The following RGS7BP variants were observed in gnomAD, a reference collection of about 807,000 sequenced individuals.
RGS7BP encodes the protein regulator of G protein signaling 7 binding protein.
RGS7BP carries 9 observed loss-of-function variants against 31.3 expected under a neutral mutation model. That is an observed-to-expected ratio of 0.29 (90% CI 0.17 to 0.50). The LOEUF is 0.50. Ranked by LOEUF, RGS7BP falls within the 20% of genes least tolerant of loss-of-function variation. The pLI is 0.98. For synonymous variants in RGS7BP, 115 were observed against 120.1 expected (o/e 0.96, Z 0.28); for missense variants, 274 against 322.0 (o/e 0.85, Z 1.14).
intron 2 of RGS7BP, among the ~76,000 whole-genome samples, chr5:64,571,407 T>C (rs899915923): frequency 6.6e-6 from 1 of 152,190 alleles, no homozygotes; most frequent in Non-Finnish European, 1.5e-5. Context: ...TATTTGTGAA[T>C]ATGTTTTTAT....
chr5:64,562,200 T>A (rs1339400146), intron 2 of RGS7BP, among the ~76,000 whole-genome samples: 1 of 152,056 alleles, frequency 6.6e-6, no homozygotes, highest in East Asian at 1.9e-4. Context: ...AATGCTTTTC[T>A]TTTTTTCCCC....
intron 2 of RGS7BP, among the ~76,000 whole-genome samples, chr5:64,536,574 T>A (rs907242566): frequency 2.0e-5 from 3 of 152,176 alleles, no homozygotes; most frequent in Non-Finnish European, 2.9e-5. Flanking sequence ...ACAAAATGTA[T>A]CAATAACATA....
At chr5:64,547,517 A>G (rs1741686407) in intron 2 of RGS7BP, among the ~76,000 whole-genome samples, 1 of 152,226 alleles carries the variant, frequency 6.6e-6, no homozygotes, top group Non-Finnish European at 1.5e-5. Context: ...AGTATTTCCC[A>G]TCATTGGCTA....
chr5:64,594,820 T>A lies in RGS7BP; in HGVS notation c.574T>A (p.Ser192Thr). 1 of 1,613,722 alleles carries A rather than the reference T, an allele frequency of 6.2e-7. No homozygotes were observed. The highest frequency in any genetic ancestry group is 8.5e-7 in the Non-Finnish European group (1 of 1,179,768). Residue 192 changes from serine (S) to threonine (T), a missense_variant, in exon 4 of 6, where the codon TCC (serine) becomes ACC (threonine). This residue lies in a region of RGS7BP where 112 missense variants were observed against 130.9 expected (regional missense o/e 0.86). Coordinates refer to ENST00000334025, the MANE Select transcript of RGS7BP (RefSeq NM_001029875.3). ...ATCCCCCGTAGATAGTCAGCAACATTCCTGGCAGGTTTCCACAGACATTGA... is the reference window on the plus strand; with the variant it reads ...ATCCCCCGTAGATAGTCAGCAACATACCTGGCAGGTTTCCACAGACATTGA... ...SSSPVDSQQH[S>T]WQVSTDIENT... is the part of the protein sequence containing the mutation.
chr5:64,599,022 A>C (rs1033244051), intron 5 of RGS7BP, among the ~76,000 whole-genome samples: 1 of 152,172 alleles, frequency 6.6e-6, no homozygotes, highest in Admixed American at 6.5e-5. Flanking sequence ...ATCCTATGGG[A>C]GTATATGCCC....
intron 2 of RGS7BP, among the ~76,000 whole-genome samples, chr5:64,510,212 ATTATTC>A (rs1189660522): frequency 6.6e-6 from 1 of 152,158 alleles, no homozygotes; most frequent in African/African-American, 2.4e-5. Flanking sequence ...GGGAGGGATT[ATTATTC>A]TTATTCTACA....
Position 64,528,303 on chromosome 5 carries a change from G to A in RGS7BP, c.332+20426G>A, listed in dbSNP as rs1232334773. 1.3e-5 allele frequency among the ~76,000 whole-genome samples: 2 copies of A among 152,254 alleles called. 1 individual carries two copies. ...AGCCAGGAGAGAAGGCTCTTGATCC[G>A]TTTTTCTTCCCTAGAGCATCCTGTG... is the stretch of plus-strand genomic sequence containing the variant. On this transcript the variant is annotated intron_variant, in intron 2 of 5. Coordinates refer to ENST00000334025, the MANE Select transcript of RGS7BP (RefSeq NM_001029875.3).
At position 64,506,743 on chromosome 5, in the gene RGS7BP, C is replaced by T; in HGVS notation, c.119C>T (p.Ser40Phe). The change falls in exon 1 of 6, where the codon TCC becomes TTC. Residue 40 changes from serine to phenylalanine, a missense_variant. Ser to Phe is a radical substitution (Grantham distance 155). Coordinates refer to ENST00000334025, the MANE Select transcript of RGS7BP (RefSeq NM_001029875.3). This position sits in a 1 kb window ranked among gnomAD's most constrained non-coding sequence, Gnocchi z 4.6. ...SGDWERRGSG[S>F]ESAHKTQRAL... ...GATTGGGAGCGCAGGGGCAGCGGCT[C>T]CGAGAGCGCCCACAAAACCCAACGA... is the stretch of plus-strand genomic sequence containing the variant. 6.2e-7 allele frequency: 1 copy of T among 1,606,136 alleles called. No homozygotes were observed.
At chr5:64,538,931 T>A (rs1402048674) in intron 2 of RGS7BP, among the ~76,000 whole-genome samples, 2 of 152,194 alleles carry the variant, frequency 1.3e-5, no homozygotes, top group African/African-American at 2.4e-5. Flanking sequence ...CATTGTTGAA[T>A]GCACATTCTT....
chr5:64,589,611 G>A lies in RGS7BP; in HGVS notation c.464-5099G>A, dbSNP rs990689408. Among the ~76,000 whole-genome samples, 10 of 152,158 alleles carry A rather than the reference G, an allele frequency of 6.6e-5. No homozygotes were observed. In the South Asian group the frequency reaches 1.0e-3, roughly 16 times the overall value. ...ATGACATTGAAAATGAAAAAGGCAA[G>A]GATGCTGTTCTAGATTAAAAGAATA... is the stretch of plus-strand genomic sequence containing the variant. On this transcript the variant is annotated intron_variant, in intron 3 of 5. Transcript: ENST00000334025.
intron 2 of RGS7BP, among the ~76,000 whole-genome samples, chr5:64,526,912 C>T (rs1229316709): frequency 6.6e-6 from 1 of 152,196 alleles, no homozygotes; most frequent in Non-Finnish European, 1.5e-5. Context: ...CATTTGCTCT[C>T]CAGCCCTTCC....
At chr5:64,580,556 A>G (rs1742562981) in intron 3 of RGS7BP, among the ~76,000 whole-genome samples, 1 of 151,856 alleles carries the variant, frequency 6.6e-6, no homozygotes, top group Non-Finnish European at 1.5e-5. Flanking sequence ...TCCCCCCAGA[A>G]CTGATATAAA....
intron 2 of RGS7BP, among the ~76,000 whole-genome samples, chr5:64,538,543 T>TC: frequency 1.8e-5 from 2 of 112,990 alleles, no homozygotes; most frequent in African/African-American, 3.4e-5. Flanking sequence ...TTTTTTTCCT[T>TC]TTCTTTTTTT....
At position 64,506,593 on chromosome 5, in the gene RGS7BP, A is replaced by G; in HGVS notation, c.-32A>G. 1.3e-6 allele frequency: 2 copies of G among 1,566,598 alleles called. No individual in the cohort carries two copies. Among genetic ancestry groups the G allele is most frequent in the Non-Finnish European group, 1.7e-6 (2 of 1,146,638 alleles). ...GGCCGCCCGCGCCGGGGCGCACTGC[A>G]CCAGCGGCTTCGGCTTGGTGGATGT... is the stretch of plus-strand genomic sequence containing the variant. On this transcript the variant is annotated 5_prime_UTR_variant, in exon 1 of 6. Coordinates refer to ENST00000334025, the MANE Select transcript of RGS7BP (RefSeq NM_001029875.3). The surrounding 1 kb of genome is among the most constrained non-coding windows in gnomAD (Gnocchi z 4.6).
rs1424709312 is a variant in RGS7BP, at chr5:64,610,853, T to A, written c.*1601T>A. The A allele has an allele frequency of 6.6e-6, 1 of 151,926 alleles. No homozygotes were observed. The highest frequency in any genetic ancestry group is 1.5e-5 in the Non-Finnish European group (1 of 67,926). The allele number at this position is 151,926 out of a possible 1,614,324, so 9.4% of individuals were successfully genotyped here. On this transcript the variant is annotated 3_prime_UTR_variant, in exon 6 of 6. Transcript: ENST00000334025. ...TGGAATTGTCTTCTAGCTCTTTTGA[T>A]TGAAAGTGAAAGAATTAAAGGGTTG...
intron 3 of RGS7BP, among the ~76,000 whole-genome samples, chr5:64,591,259 G>A (rs1742906906): frequency 6.6e-6 from 1 of 151,900 alleles, no homozygotes; most frequent in Admixed American, 6.6e-5. Context: ...AGAAACACAA[G>A]TGGTCAATTA....
chr5:64,569,775 T>C (rs1212291389), intron 2 of RGS7BP, among the ~76,000 whole-genome samples: 1 of 152,172 alleles, frequency 6.6e-6, no homozygotes, highest in Non-Finnish European at 1.5e-5. Flanking sequence ...GTGGGCATAT[T>C]TGAAGAGAGG....
intron 3 of RGS7BP, among the ~76,000 whole-genome samples, chr5:64,591,160 T>A (rs1255226121): frequency 1.3e-5 from 2 of 152,016 alleles, no homozygotes; most frequent in East Asian, 3.8e-4. Context: ...ATGATCAGTA[T>A]CCATTATATG....
intron 2 of RGS7BP, among the ~76,000 whole-genome samples, chr5:64,538,500 CTTTTCT>C (rs1344494671): frequency 0.015 from 699 of 45,242 alleles, 18 homozygotes; most frequent in African/African-American, 0.058. Flanking sequence ...TTTTCCTTTT[CTTTTCT>C]TTTTTTTTTT....
Sources: gnomAD v4.1 joint callset for allele counts (sites outside exome capture counted in the v4.1 genomes callset) on GRCh38, gnomAD v4.1.1 for gene constraint, gnomAD v4.1.1 regional missense constraint, Gnocchi (gnomAD v3.1) non-coding constraint, MANE v1.5 for transcripts, NCBI Gene and HGNC (gene_info 2026-07-23, HGNC 2026-07-21) for gene names.